Variants in PCDH15 observed in about 807,000 individuals in gnomAD.
The protein encoded by PCDH15 is protocadherin related 15.
In PCDH15, 129 loss-of-function variants were observed where a neutral mutation model predicts 178.5. The ratio of observed to expected loss-of-function variants is 0.72; its 90% confidence interval spans 0.63 to 0.84. The LOEUF (loss-of-function observed/expected upper bound fraction) is 0.84, where lower values mean the gene tolerates loss of function less well. Among genes scored for constraint, PCDH15 ranks in the 40% least tolerant of loss-of-function variants. PCDH15 has a pLI of 0.00. For missense variants in PCDH15, 2,230 were observed against 2,099.9 expected (o/e 1.06, Z -1.21); for synonymous variants, 800 against 732.0 (o/e 1.09, Z -1.50).
chr10:54,844,492 C>A (rs1953471089), intron 3 of PCDH15, among the ~76,000 whole-genome samples: 1 of 151,922 alleles, frequency 6.6e-6, no homozygotes, highest in South Asian at 2.1e-4. Context: ...CACATATATG[C>A]TTTCCCTCAC....
intron 3 of PCDH15, among the ~76,000 whole-genome samples, chr10:54,392,689 A>T (rs1226998872): frequency 6.6e-6 from 1 of 151,698 alleles, no homozygotes; most frequent in Non-Finnish European, 1.5e-5. Context: ...ACTTAAGGTC[A>T]GGAGTTTGAG....
Position 53,804,172 on chromosome 10 carries a change from T to G in PCDH15, c.*2407A>C, listed in dbSNP as rs1841024777. The G allele has an allele frequency of 6.6e-6, 1 of 151,994 alleles. No individual in the cohort carries two copies. The highest frequency in any genetic ancestry group is 1.5e-5 in the Non-Finnish European group (1 of 67,894). The allele number at this position is 151,994 out of a possible 1,614,324, so 9.4% of individuals were successfully genotyped here. A position where few individuals can be genotyped will look rare whatever the true frequency, so the allele number is the denominator to read the frequency against. On this transcript the variant is annotated 3_prime_UTR_variant, in exon 38 of 38. Transcript: ENST00000644397. ...GCTCTGTGTAAATTCTGCTTCTCTT[T>G]ATACTATCTCCATTAAGTAACAGAT...
rs1013821837 is a variant in PCDH15 at position 54,723,344 on chromosome 10, C to T, written c.-28-59054G>A. Among the ~76,000 whole-genome samples, 4 of 151,444 alleles carry T rather than the reference C, an allele frequency of 2.6e-5. No homozygotes were observed. In the South Asian group the frequency reaches 6.2e-4, roughly 24 times the overall value. On this transcript the variant is annotated intron_variant, in intron 1 of 37. Transcript: ENST00000644397. The stretch of plus-strand genomic sequence containing the variant: ...TGATGCTGGGAAAATTGGCTAGCCA[C>T]GTGCAGAATAATGAAACTGGAACCA...
intron 20 of PCDH15, among the ~76,000 whole-genome samples, chr10:54,017,473 C>T (rs1911377): frequency 0.76 from 116,254 of 152,114 alleles, 44,691 homozygotes; most frequent in Middle Eastern, 0.86. Flanking sequence ...AAGAATAAAA[C>T]CATGTCCTTT....
At chr10:53,856,530 T>C (rs1045550820) in intron 28 of PCDH15, among the ~76,000 whole-genome samples, 1 of 152,090 alleles carries the variant, frequency 6.6e-6, no homozygotes, top group African/African-American at 2.4e-5. Flanking sequence ...ACACATTGCT[T>C]TGAGAAATGA....
At chr10:54,683,269 C>A (rs150745528) in intron 1 of PCDH15, among the ~76,000 whole-genome samples, 1 of 151,812 alleles carries the variant, frequency 6.6e-6, no homozygotes, top group Non-Finnish European at 1.5e-5. Context: ...TGTTGTGTAG[C>A]CATCACCACC....
intron 26 of PCDH15, among the ~76,000 whole-genome samples, chr10:53,876,180 T>G (rs1472355193): frequency 9.6e-6 from 1 of 103,682 alleles, no homozygotes; most frequent in African/African-American, 6.9e-5. Flanking sequence ...TGAGTCTTGT[T>G]TTTTTTTTTG....
At chr10:54,735,907 C>T (rs1944052383) in intron 1 of PCDH15, among the ~76,000 whole-genome samples, 1 of 136,424 alleles carries the variant, frequency 7.3e-6, no homozygotes, top group Non-Finnish European at 1.6e-5. Context: ...GGGAGATATA[C>T]CTAATGCTAG....
chr10:55,393,693 G>T (rs1448936164), intron 2 of PCDH15, among the ~76,000 whole-genome samples: 3 of 152,124 alleles, frequency 2.0e-5, no homozygotes, highest in Non-Finnish European at 4.4e-5. Flanking sequence ...CAAATTATCA[G>T]ATTCCTCCTA....
At chr10:55,375,288 A>G (rs1837365570) in intron 2 of PCDH15, among the ~76,000 whole-genome samples, 1 of 152,138 alleles carries the variant, frequency 6.6e-6, no homozygotes, top group Non-Finnish European at 1.5e-5. Flanking sequence ...AAAGAATGGC[A>G]GGGAAGTAAT....
chr10:54,618,258 A>G lies in PCDH15; in HGVS notation c.91+45914T>C, dbSNP rs370525423. Among the ~76,000 whole-genome samples, 3 of 152,134 alleles carry G rather than the reference A, an allele frequency of 2.0e-5. No homozygotes were observed. The South Asian group carries it at 6.2e-4, about 32-fold the overall frequency. ...AGTATCTATTTAACTGGAGCAATAA[A>G]CATACATATCTTTCCTAAAGTGATA... On this transcript the variant is annotated intron_variant, in intron 2 of 37. Coordinates refer to ENST00000644397, the MANE Select transcript of PCDH15 (RefSeq NM_001384140.1).
intron 2 of PCDH15, among the ~76,000 whole-genome samples, chr10:55,400,231 C>T (rs959120607): frequency 3.3e-5 from 5 of 152,040 alleles, no homozygotes; most frequent in African/African-American, 1.2e-4. Context: ...GAATGGAGTC[C>T]TCCTACAGCT....
At chr10:54,418,882 C>T (rs1023984294) in intron 3 of PCDH15, among the ~76,000 whole-genome samples, 14 of 151,828 alleles carry the variant, frequency 9.2e-5, no homozygotes, top group African/African-American at 2.7e-4. Flanking sequence ...TTGCAACATT[C>T]ACTTCAAGGG....
intron 1 of PCDH15, among the ~76,000 whole-genome samples, chr10:55,259,902 C>CAAAAAAAAAAAAAAAAAAAA (rs749939571): frequency 1.9e-5 from 1 of 52,008 alleles, no homozygotes; most frequent in Non-Finnish European, 3.6e-5. Flanking sequence ...AACTCCGTCT[C>CAAAAAAAAAAAAAAAAAAAA]AAAAAAAAAA....
intron 8 of PCDH15, among the ~76,000 whole-genome samples, chr10:54,297,661 T>A (rs7901045): frequency 6.6e-6 from 1 of 151,972 alleles, no homozygotes; most frequent in African/African-American, 2.4e-5. Context: ...CCCAGGCTAT[T>A]GGTTCTGTCC....
At chr10:55,604,123 C>G (rs1216376154) in intron 2 of PCDH15, among the ~76,000 whole-genome samples, 1 of 103,374 alleles carries the variant, frequency 9.7e-6, no homozygotes, top group Non-Finnish European at 1.9e-5. Flanking sequence ...GACTTTAAAC[C>G]AACAAAGATC....
At chr10:54,166,505 G>C (rs1448267924) in intron 13 of PCDH15, among the ~76,000 whole-genome samples, 2 of 152,128 alleles carry the variant, frequency 1.3e-5, no homozygotes, top group South Asian at 2.1e-4. Flanking sequence ...GCTTTTGTTT[G>C]TTTGTTTGTT....
chr10:54,926,642 T>A (rs1439803111), intron 2 of PCDH15, among the ~76,000 whole-genome samples: 1 of 152,036 alleles, frequency 6.6e-6, no homozygotes, highest in East Asian at 1.9e-4. Flanking sequence ...CCATTAGTGG[T>A]CTGTTCAGGG....
intron 2 of PCDH15, among the ~76,000 whole-genome samples, chr10:54,961,572 T>G (rs1158891116): frequency 6.6e-6 from 1 of 152,070 alleles, no homozygotes; most frequent in Non-Finnish European, 1.5e-5. Flanking sequence ...AGCATGCACT[T>G]CCTCCCTTCT....
Sources: allele counts gnomAD v4.1 joint callset (sites outside exome capture counted in the v4.1 genomes callset), GRCh38; gene constraint gnomAD v4.1.1; transcripts MANE v1.5; gene names NCBI Gene and HGNC (gene_info 2026-07-23, HGNC 2026-07-21).